The following RNF4 variants were observed in gnomAD, a reference collection of about 807,000 sequenced individuals.
RNF4 encodes ring finger protein 4.
In RNF4, 7 loss-of-function variants were observed where a neutral mutation model predicts 24.3. That is an observed-to-expected ratio of 0.29 (90% CI 0.16 to 0.54). The LOEUF (loss-of-function observed/expected upper bound fraction) is 0.54. RNF4 is among the 20% of genes least tolerant of loss of function. The pLI is 0.95. For synonymous variants in RNF4, 83 were observed against 84.3 expected, an observed-to-expected ratio of 0.98 and a Z score of 0.09; for missense variants, 209 against 248.5, an observed-to-expected ratio of 0.84 and a Z score of 1.07.
At chr4:2,485,066 C>T (rs1276119377) in intron 1 of RNF4, among the ~76,000 whole-genome samples, 2 of 152,170 alleles carry the variant, frequency 1.3e-5, no homozygotes, top group African/African-American at 4.8e-5. Context: ...CCCACCCCAC[C>T]CACATACATT....
chr4:2,511,871 G>A (rs950004856), intron 4 of RNF4, 85 bp from the exon 5 acceptor site: 37 of 1,397,682 alleles, frequency 2.6e-5, no homozygotes, highest in Admixed American at 1.8e-4. Context: ...GGTGTCACAC[G>A]TCAGAAAAAA....
At chr4:2,513,025 G>A in intron 6 of RNF4, 58 bp from the exon 7 acceptor site, 4 of 1,516,978 alleles carry the variant, frequency 2.6e-6, no homozygotes, top group Middle Eastern at 1.7e-4. Context: ...TCACGTGACA[G>A]GGTATAATAA....
chr4:2,490,417 G>A lies in RNF4; in HGVS notation c.-77G>A. On this transcript the variant is annotated 5_prime_UTR_variant, in exon 2 of 8. Transcript: ENST00000314289. The stretch of plus-strand genomic sequence containing the variant: ...GTAACCAGAGGGCATGAAAGGTTGA[G>A]AACATTTGACTTCCCTGCAAACCTT... The A allele has an allele frequency of 6.7e-7, 1 of 1,487,168 alleles. No individual in the cohort carries two copies. Among genetic ancestry groups the A allele is most frequent in the Non-Finnish European group, 9.3e-7 (1 of 1,077,348 alleles). The allele number at this position is 1,487,168 out of a possible 1,614,324, so 92.1% of individuals were successfully genotyped here.
chr4:2,488,345 T>A (rs1182760891), intron 1 of RNF4, among the ~76,000 whole-genome samples: 1 of 152,148 alleles, frequency 6.6e-6, no homozygotes, highest in African/African-American at 2.4e-5. Flanking sequence ...ATGCCTGTAG[T>A]CCCAGCTACT....
intron 1 of RNF4, among the ~76,000 whole-genome samples, chr4:2,478,963 G>A (rs190276522): frequency 1.3e-5 from 2 of 152,244 alleles, no homozygotes; most frequent in Non-Finnish European, 2.9e-5. Flanking sequence ...GAAAACAGCC[G>A]GGAGGGAGGC....
Position 2,488,106 on chromosome 4 carries a change from G to A in RNF4, c.-157-2231G>A, listed in dbSNP as rs373940145. On this transcript the variant is annotated intron_variant, in intron 1 of 7. Coordinates refer to ENST00000314289, the MANE Select transcript of RNF4 (RefSeq NM_002938.5). Reference sequence around the variant, plus strand: ...TGCACAGAGGCTGTGTTTGCTCATTGCTGTATTCCCAGGGCAGGGGCTGTA... The same window carrying A: ...TGCACAGAGGCTGTGTTTGCTCATTACTGTATTCCCAGGGCAGGGGCTGTA... Among the ~76,000 whole-genome samples the A allele has an allele frequency of 4.5e-4, 69 of 152,314 alleles. 1 individual carries two copies. In the East Asian group the frequency reaches 0.012, roughly 27 times the overall value.
chr4:2,512,742 G>T lies in RNF4; in HGVS notation c.374+145G>T. 5.3e-6 allele frequency: 5 copies of T among 949,976 alleles called. No homozygotes were observed. Among genetic ancestry groups the T allele is most frequent in the East Asian group, 5.2e-5 (2 of 38,200 alleles). The allele number at this position is 949,976 out of a possible 1,614,324, so 58.8% of individuals were successfully genotyped here. A position where few individuals can be genotyped will look rare whatever the true frequency, so the allele number is the denominator to read the frequency against. ...CAGCATCTGGATACAGTTGGAACTG[G>T]GTCCAGAACTGAGTCCAGCTATTCC... On this transcript the variant is annotated intron_variant, in intron 6 of 7. Coordinates refer to ENST00000314289, the MANE Select transcript of RNF4 (RefSeq NM_002938.5). This position sits in a 1 kb window ranked among gnomAD's most constrained non-coding sequence, Gnocchi z 4.1.
rs540214523 is a variant in RNF4, at chr4:2,514,913, C to T, written c.*1094C>T. ...TCCTGGCCACTGGGCTTGGATGCTT[C>T]GGGCTTCTGACTGCTCCATAGGTTT... On this transcript the variant is annotated 3_prime_UTR_variant, in exon 8 of 8. Transcript: ENST00000314289. 1.4e-4 allele frequency: 21 copies of T among 152,576 alleles called. No individual in the cohort carries two copies. The highest frequency in any genetic ancestry group is 1.4e-3 in the East Asian group (7 of 5,184). The allele number at this position is 152,576 out of a possible 1,614,324, so 9.5% of individuals were successfully genotyped here.
intron 1 of RNF4, among the ~76,000 whole-genome samples, chr4:2,488,812 T>A (rs3135151): frequency 0.32 from 49,157 of 151,840 alleles, 9,440 homozygotes; most frequent in Admixed American, 0.52. Context: ...TATTTTCATT[T>A]TTTATTTATT....
At position 2,513,096 on chromosome 4, in the gene RNF4, G is replaced by C; in HGVS notation, c.388G>C (p.Val130Leu). 6.2e-7 allele frequency: 1 copy of C among 1,613,950 alleles called. No homozygotes were observed. Among genetic ancestry groups the C allele is most frequent in the Non-Finnish European group, 8.5e-7 (1 of 1,179,818 alleles). Residue 130 changes from valine (V) to leucine (L), a missense_variant, in exon 7 of 8, where the codon GTC becomes CTC. This residue lies in a region of RNF4 where 182 missense variants were observed against 197.2 expected (regional missense o/e 0.92). Coordinates refer to ENST00000314289, the MANE Select transcript of RNF4 (RefSeq NM_002938.5). ...GATGLRPSGTVSCPICMDGYS... is the reference protein window; with the variant it reads ...GATGLRPSGTLSCPICMDGYS... Reference sequence around the variant, plus strand: ...CTGTGCTCTTAGGCCCTCAGGTACTGTCAGTTGTCCCATCTGCATGGACGG... The same window carrying C: ...CTGTGCTCTTAGGCCCTCAGGTACTCTCAGTTGTCCCATCTGCATGGACGG...
chr4:2,513,063 G>A lies in RNF4; in HGVS notation c.375-20G>A, dbSNP rs751185060. On this transcript the variant is annotated intron_variant, in intron 6 of 7. Coordinates refer to ENST00000314289, the MANE Select transcript of RNF4 (RefSeq NM_002938.5). ...TGTTTGCGTTGACTGAGAAACTAAC[G>A]TGAAGCACTGTGCTCTTAGGCCCTC... 1.2e-5 allele frequency: 19 copies of A among 1,612,778 alleles called. No individual in the cohort carries two copies. The South Asian group carries it at 1.2e-4, about 10-fold the overall frequency.
At chr4:2,475,233 G>A (rs1176900466) in intron 1 of RNF4, among the ~76,000 whole-genome samples, 1 of 152,166 alleles carries the variant, frequency 6.6e-6, no homozygotes, top group Non-Finnish European at 1.5e-5. Flanking sequence ...TGGTGCGATC[G>A]TAACTCACTG....
In RNF4 at chr4:2,490,310, T is replaced by C. The variant is rs986502509; in HGVS notation, c.-157-27T>C. 1.2e-5 allele frequency: 7 copies of C among 596,312 alleles called. No homozygotes were observed. In the African/African-American group the frequency reaches 1.3e-4, roughly 11 times the overall value. 36.9% of individuals were successfully genotyped at this position (596,312 alleles called of 1,614,324 possible). A position where few individuals can be genotyped will look rare whatever the true frequency, so the allele number is the denominator to read the frequency against. On this transcript the variant is annotated intron_variant, in intron 1 of 7. Coordinates refer to ENST00000314289, the MANE Select transcript of RNF4 (RefSeq NM_002938.5). ...TTTCAATGATGTAAGTGGCAGTATTTATCAAATTAATATCTTTGTTTTTCA... is the reference window on the plus strand; with the variant it reads ...TTTCAATGATGTAAGTGGCAGTATTCATCAAATTAATATCTTTGTTTTTCA...
chr4:2,500,174 AAAAG>A (rs1735866934), intron 3 of RNF4, among the ~76,000 whole-genome samples: 1 of 151,994 alleles, frequency 6.6e-6, no homozygotes, highest in African/African-American at 2.4e-5. Context: ...AAAAAAAAAA[AAAAG>A]AATTTGCCCT....
chr4:2,498,567 T>C (rs1199915684), intron 3 of RNF4, among the ~76,000 whole-genome samples: 2 of 152,342 alleles, frequency 1.3e-5, no homozygotes, highest in South Asian at 2.1e-4. Flanking sequence ...TATCAGTATA[T>C]GGACTGTTGG....
intron 1 of RNF4, among the ~76,000 whole-genome samples, chr4:2,487,051 T>C (rs966790667): frequency 6.6e-6 from 1 of 152,190 alleles, no homozygotes; most frequent in African/African-American, 2.4e-5. Flanking sequence ...TGAAACCAAC[T>C]AGACAAGTCT....
At chr4:2,473,584 G>T (rs1013105125) in intron 1 of RNF4, among the ~76,000 whole-genome samples, 3 of 151,404 alleles carry the variant, frequency 2.0e-5, no homozygotes, top group East Asian at 2.0e-4. Flanking sequence ...AGGCCTAGGC[G>T]GGTGGATTAC....
intron 1 of RNF4, among the ~76,000 whole-genome samples, chr4:2,478,883 A>C (rs976444412): frequency 2.6e-5 from 4 of 152,230 alleles, no homozygotes; most frequent in African/African-American, 9.6e-5. Flanking sequence ...TCCACACCCC[A>C]GAATGATAGA....
chr4:2,509,840 C>T (rs954581942), intron 4 of RNF4, among the ~76,000 whole-genome samples: 2 of 152,156 alleles, frequency 1.3e-5, no homozygotes, highest in South Asian at 2.1e-4. Flanking sequence ...AGTGGGTCAT[C>T]TTGGCAGAGG....
Sources: gnomAD v4.1 joint callset for allele counts (sites outside exome capture counted in the v4.1 genomes callset) on GRCh38, gnomAD v4.1.1 for gene constraint, gnomAD v4.1.1 regional missense constraint, Gnocchi (gnomAD v3.1) non-coding constraint, MANE v1.5 for transcripts, NCBI Gene and HGNC (gene_info 2026-07-23, HGNC 2026-07-21) for gene names.